The following MANSC1 variants were observed in gnomAD, a reference collection of about 807,000 sequenced individuals.
MANSC1 encodes MANSC domain-containing protein 1.
A neutral mutation model predicts 14.1 loss-of-function variants in MANSC1; 13 were observed. The observed-to-expected ratio is 0.92, with a 90% CI of 0.60 to 1.46. The LOEUF (loss-of-function observed/expected upper bound fraction) is 1.46. Ranked by LOEUF, MANSC1 falls within the 40% of genes most tolerant of loss-of-function variation. The pLI, the probability that MANSC1 is intolerant of heterozygous loss-of-function variation, is 0.00. For missense variants in MANSC1, 486 were observed against 511.4 expected (o/e 0.95, Z 0.48); for synonymous variants, 227 against 200.7 (o/e 1.13, Z -1.11).
intron 1 of MANSC1, among the ~76,000 whole-genome samples, chr12:12,343,666 A>C (rs1187038849): frequency 6.6e-6 from 1 of 152,250 alleles, no homozygotes; most frequent in Non-Finnish European, 1.5e-5. Context: ...ATGAAGGAAC[A>C]GGTATAAACA....
At chr12:12,343,689 C>T (rs547375542) in intron 1 of MANSC1, among the ~76,000 whole-genome samples, 4 of 152,334 alleles carry the variant, frequency 2.6e-5, no homozygotes, top group African/African-American at 7.2e-5. Context: ...AGGCCTGCCT[C>T]GGAATTCTAC....
intron 3 of MANSC1, among the ~76,000 whole-genome samples, chr12:12,333,309 A>G (rs1303838740): frequency 6.6e-6 from 1 of 152,138 alleles, no homozygotes; most frequent in Non-Finnish European, 1.5e-5. Context: ...AGCCTCCCAA[A>G]GTGCTGGAAT....
chr12:12,347,005 T>G (rs1018346644), intron 1 of MANSC1, among the ~76,000 whole-genome samples: 6 of 151,316 alleles, frequency 4.0e-5, no homozygotes, highest in Non-Finnish European at 7.4e-5. Flanking sequence ...GAAACACACA[T>G]CTGATAAAGC....
intron 1 of MANSC1, among the ~76,000 whole-genome samples, chr12:12,346,232 C>T (rs1021565698): frequency 6.6e-6 from 1 of 152,054 alleles, no homozygotes; most frequent in African/African-American, 2.4e-5. Context: ...GATTGCGCCA[C>T]TGCACTGCAG....
intron 2 of MANSC1, among the ~76,000 whole-genome samples, chr12:12,339,656 A>G (rs1480297973): frequency 6.6e-6 from 1 of 152,144 alleles, no homozygotes; most frequent in Admixed American, 6.6e-5. Flanking sequence ...CTCCTTCCAC[A>G]CAGGATCTGA....
chr12:12,327,244 G>C lies in MANSC1; in HGVS notation c.*2783C>G, dbSNP rs1384462284. 1.3e-5 allele frequency: 2 copies of C among 152,302 alleles called. No individual in the cohort carries two copies. The highest frequency in any genetic ancestry group is 4.8e-5 in the African/African-American group (2 of 41,444). The allele number at this position is 152,302 out of a possible 1,614,324, so 9.4% of individuals were successfully genotyped here. A position where few individuals can be genotyped will look rare whatever the true frequency, so the allele number is the denominator to read the frequency against. Reference sequence around the variant, plus strand: ...CTCTTTCTACAAACCAAAGGAGGGGGCTCATAACTCAATGGGCCTTGTGGG... The same window carrying C: ...CTCTTTCTACAAACCAAAGGAGGGGCCTCATAACTCAATGGGCCTTGTGGG... On this transcript the variant is annotated 3_prime_UTR_variant, in exon 4 of 4. Transcript: ENST00000535902.
In MANSC1 at chr12:12,330,504, A is replaced by T. The variant is rs768251896; in HGVS notation, c.819T>A (p.Thr273=). 3 of 1,614,212 alleles carry T rather than the reference A, an allele frequency of 1.9e-6. No individual in the cohort carries two copies. The highest frequency in any genetic ancestry group is 1.7e-6 in the Non-Finnish European group (2 of 1,180,040). ...QLATTAPPVT[T]VTSQPPTTLI... The stretch of plus-strand genomic sequence containing the variant: ...GGGTCGTGGGAGGCTGAGAAGTGAC[A>T]GTGGTTACAGGTGGAGCTGTGGTGG... The change falls in exon 4 of 4, where the codon ACT becomes ACA. Residue 273 remains threonine (T), a synonymous_variant. Coordinates refer to ENST00000535902, the MANE Select transcript of MANSC1 (RefSeq NM_018050.4).
chr12:12,330,229 C>A lies in MANSC1; in HGVS notation c.1094G>T (p.Gly365Val), dbSNP rs1298054441. The change falls in exon 4 of 4, where the codon GGC becomes GTC. Residue 365 changes from glycine (G) to valine (V), a missense_variant. Physicochemically the swap from Gly to Val is moderately radical, Grantham distance 109. Coordinates refer to ENST00000535902, the MANE Select transcript of MANSC1 (RefSeq NM_018050.4). Reference protein sequence around the residue: ...ASWEGREASPGSSSQGSVPEN... With the variant: ...ASWEGREASPVSSSQGSVPEN... ...TGGAACACTGCCCTGGGAGGAACTGCCTGGACTGGCCTCCCTACCTTCCCA... is the reference window on the plus strand; with the variant it reads ...TGGAACACTGCCCTGGGAGGAACTGACTGGACTGGCCTCCCTACCTTCCCA... 6.2e-7 allele frequency: 1 copy of A among 1,614,030 alleles called. No homozygotes were observed. Among genetic ancestry groups the A allele is most frequent in the African/African-American group, 1.3e-5 (1 of 74,920 alleles).
chr12:12,338,890 AACACAC>A (rs56183211), intron 2 of MANSC1: 2,633 of 193,000 alleles, frequency 0.014, 73 homozygotes, highest in African/African-American at 0.061. Context: ...CACACACACA[AACACAC>A]ACACACACAC....
In MANSC1 at chr12:12,327,392, C is replaced by G. The variant is rs919006654; in HGVS notation, c.*2635G>C. ...AGTAGAGAGAGCTGTGTGAGAAGAG[C>G]ACTCTTTCCACTCCAGATGTCCCCT... On this transcript the variant is annotated 3_prime_UTR_variant, in exon 4 of 4. Transcript: ENST00000535902. 2.6e-5 allele frequency: 4 copies of G among 152,248 alleles called. No homozygotes were observed. Among genetic ancestry groups the G allele is most frequent in the Non-Finnish European group, 5.9e-5 (4 of 68,102 alleles). The allele number at this position is 152,248 out of a possible 1,614,324, so 9.4% of individuals were successfully genotyped here.
At position 12,328,984 on chromosome 12, in the gene MANSC1, T is replaced by TCACACACACACACACACA. The variant is rs35684053; in HGVS notation, c.*1025_*1042dup. ...GCCTGGGTGACAGAGCAAGACTCTG[T>TCACACACACACACACACA]CACACACACACACACACACACACAC... On this transcript the variant is annotated 3_prime_UTR_variant, in exon 4 of 4. Coordinates refer to ENST00000535902, the MANE Select transcript of MANSC1 (RefSeq NM_018050.4). The TCACACACACACACACACA allele has an allele frequency of 7.6e-5, 10 of 131,628 alleles. No individual in the cohort carries two copies. Among genetic ancestry groups the TCACACACACACACACACA allele is most frequent in the South Asian group, 2.8e-4 (1 of 3,548 alleles). The allele number at this position is 131,628 out of a possible 1,614,324, so 8.2% of individuals were successfully genotyped here.
chr12:12,330,662 C>T lies in MANSC1; in HGVS notation c.661G>A (p.Glu221Lys). The T allele has an allele frequency of 6.2e-7, 1 of 1,614,172 alleles. No homozygotes were observed. Among genetic ancestry groups the T allele is most frequent in the Non-Finnish European group, 8.5e-7 (1 of 1,180,018 alleles). ...GTAGCTGGGAGCGCACTCACATTTT[C>T]AGGCAGCAGATGAGCTATTTCTTGA... ...SDQEIAHLLP[E>K]NVSALPATVA... The change falls in exon 4 of 4, where the codon GAA becomes AAA. Residue 221 changes from glutamate to lysine, a missense_variant. By Grantham distance (56) the Glu-to-Lys change is moderately conservative. Coordinates refer to ENST00000535902, the MANE Select transcript of MANSC1 (RefSeq NM_018050.4).
intron 1 of MANSC1, among the ~76,000 whole-genome samples, chr12:12,349,719 G>C (rs917471264): frequency 7.2e-5 from 11 of 152,184 alleles, no homozygotes; most frequent in Non-Finnish European, 1.2e-4. Flanking sequence ...CAGAGAATTA[G>C]ACAATTAGCA....
intron 1 of MANSC1, among the ~76,000 whole-genome samples, chr12:12,344,332 T>G (rs141804721): frequency 2.6e-5 from 4 of 152,176 alleles, no homozygotes; most frequent in African/African-American, 9.6e-5. Flanking sequence ...CCAAAGGAGA[T>G]TAACATTTGA....
intron 3 of MANSC1, among the ~76,000 whole-genome samples, chr12:12,336,868 T>C (rs960043290): frequency 1.2e-4 from 19 of 152,212 alleles, no homozygotes; most frequent in African/African-American, 4.6e-4. Context: ...GCATAGAAAG[T>C]ACTTGGCACA....
chr12:12,338,548 C>T lies in MANSC1; in HGVS notation c.236G>A (p.Cys79Tyr), dbSNP rs1452139836. ...STKNISGDKA[C>Y]NLMIFDTRKT... ...TCGAGTGTCGAAGATCATCAAGTTA[C>T]ATGCTTTGTCCCCTGCAATGAAAGG... The change falls in exon 3 of 4, where the codon TGT becomes TAT. Residue 79 changes from cysteine to tyrosine, a missense_variant. Physicochemically the swap from Cys to Tyr is radical, Grantham distance 194. Transcript: ENST00000535902. The T allele has an allele frequency of 6.2e-7, 1 of 1,612,762 alleles. No individual in the cohort carries two copies. Among genetic ancestry groups the T allele is most frequent in the Non-Finnish European group, 8.5e-7 (1 of 1,179,766 alleles).
Position 12,330,789 on chromosome 12 carries a change from G to A in MANSC1, c.534C>T (p.Ser178=), listed in dbSNP as rs143439676. The part of the protein sequence containing the change: ...WRDTLSQKFG[S]SDHLEKLFKM... ...TAAATAGTTTCTCCAAGTGATCTGA[G>A]GATCCAAACTTCTGAGAAAGTGTGT... Residue 178 remains serine (S), a synonymous_variant, in exon 4 of 4, where the codon TCC becomes TCT. Transcript: ENST00000535902. 2.5e-6 allele frequency: 4 copies of A among 1,614,006 alleles called. No homozygotes were observed. The African/African-American group carries it at 4.0e-5, about 16-fold the overall frequency.
At chr12:12,338,315 G>T in intron 3 of MANSC1, 105 bp downstream of exon 3, 2 of 1,008,262 alleles carry the variant, frequency 2.0e-6, no homozygotes, top group Non-Finnish European at 2.8e-6. Flanking sequence ...GATATGTCTG[G>T]TACCCCTTCT....
intron 1 of MANSC1, among the ~76,000 whole-genome samples, chr12:12,348,954 CTTCT>C (rs1324571649): frequency 2.0e-5 from 3 of 152,152 alleles, no homozygotes; most frequent in Admixed American, 6.5e-5. Context: ...ATAATATGTG[CTTCT>C]TTATTAACCT....
Sources: gnomAD v4.1 joint callset for allele counts (sites outside exome capture counted in the v4.1 genomes callset) on GRCh38, gnomAD v4.1.1 for gene constraint, MANE v1.5 for transcripts, NCBI Gene and HGNC (gene_info 2026-07-23, HGNC 2026-07-21) for gene names.